Variants in EPG5 observed in about 807,000 individuals in gnomAD.
EPG5 encodes ectopic P granules protein 5 homolog.
In EPG5, 159 loss-of-function variants were observed where a neutral mutation model predicts 302.7. That is an observed-to-expected ratio of 0.53 (90% CI 0.46 to 0.60). The LOEUF is 0.60. Ranked by LOEUF, EPG5 falls within the 20% of genes least tolerant of loss-of-function variation. The pLI, the probability that EPG5 is intolerant of heterozygous loss-of-function variation, is 0.00. For synonymous variants in EPG5, 1,158 were observed against 1,136.8 expected (o/e 1.02, Z -0.37); for missense variants, 2,896 against 3,092.4 (o/e 0.94, Z 1.51).
chr18:45,816,369 C>T, the EPG5 span, among the ~76,000 whole-genome samples: 1 of 152,046 alleles, frequency 6.6e-6, no homozygotes, highest in Admixed American at 6.5e-5. Flanking sequence ...AAAATCTTCA[C>T]AATCTATACA....
At chr18:45,838,929 G>A in the EPG5 span, 15 of 1,604,362 alleles carry the variant, frequency 9.3e-6, no homozygotes, top group Middle Eastern at 8.2e-4. Context: ...GCCGCTACAC[G>A]TGTACGGCCG....
At chr18:45,836,917 C>T in the EPG5 span, 27 of 686,198 alleles carry the variant, frequency 3.9e-5, no homozygotes, top group Non-Finnish European at 6.5e-5. Flanking sequence ...TAGAGTGAGG[C>T]GATCCTGAAC....
At chr18:45,819,182 G>A in the EPG5 span, among the ~76,000 whole-genome samples, 1 of 152,126 alleles carries the variant, frequency 6.6e-6, no homozygotes, top group Non-Finnish European at 1.5e-5. Context: ...CTTCTTGCAT[G>A]TTTATGGTTT....
rs150383659 is a variant in EPG5, at chr18:45,958,870, T to C, written c.64-3532A>G. 5.3e-3 allele frequency among the ~76,000 whole-genome samples: 800 copies of C among 152,314 alleles called. 6 individuals carry two copies. The highest frequency in any genetic ancestry group is 0.018 in the African/African-American group (742 of 41,564). On this transcript the variant is annotated intron_variant, in intron 1 of 43. Coordinates refer to ENST00000282041, the MANE Select transcript of EPG5 (RefSeq NM_020964.3). ...AAGCTCACACCTGGTCTGGCACCAG[T>C]TGATCAATAAACTGGTTCATCTGAT... is the stretch of plus-strand genomic sequence containing the variant.
chr18:45,874,577 A>C (rs1157799736), intron 35 of EPG5, among the ~76,000 whole-genome samples: 6 of 152,194 alleles, frequency 3.9e-5, no homozygotes, highest in Non-Finnish European at 8.8e-5. Context: ...AATGAGAGCC[A>C]AGCAATACGG....
intron 40 of EPG5, 112 bp downstream of exon 40, chr18:45,859,992 A>T (rs2048598432): frequency 2.2e-6 from 3 of 1,363,830 alleles, no homozygotes; most frequent in Non-Finnish European, 3.0e-6. Flanking sequence ...GCAGAAAATT[A>T]GAATGGCAAA....
chr18:45,822,934 G>A, the EPG5 span, among the ~76,000 whole-genome samples: 3 of 152,120 alleles, frequency 2.0e-5, no homozygotes, highest in Non-Finnish European at 2.9e-5. Context: ...TGAGGGAGAC[G>A]TAAAGTCACA....
the EPG5 span, among the ~76,000 whole-genome samples, chr18:45,816,346 C>T: frequency 6.6e-6 from 1 of 151,922 alleles, no homozygotes; most frequent in African/African-American, 2.4e-5. Flanking sequence ...AAACAGTCAA[C>T]CCACAGAGAG....
the EPG5 span, chr18:45,839,231 C>G: frequency 8.2e-7 from 1 of 1,214,800 alleles, no homozygotes; most frequent in Non-Finnish European, 1.1e-6. Flanking sequence ...GCGCTTTCCT[C>G]TCTTTGCATG....
At chr18:45,902,214 C>T (rs909979440) in intron 25 of EPG5, among the ~76,000 whole-genome samples, 2 of 152,150 alleles carry the variant, frequency 1.3e-5, no homozygotes, top group African/African-American at 4.8e-5. Context: ...CATAAGGAGA[C>T]TTGTATTGTT....
intron 42 of EPG5, among the ~76,000 whole-genome samples, chr18:45,856,412 A>T (rs1340374648): frequency 1.3e-5 from 2 of 152,234 alleles, no homozygotes; most frequent in Non-Finnish European, 2.9e-5. Context: ...AATGGAGGTG[A>T]CTACTTAATG....
At chr18:45,959,377 C>T (rs556241445) in intron 1 of EPG5, among the ~76,000 whole-genome samples, 2 of 151,706 alleles carry the variant, frequency 1.3e-5, no homozygotes, top group African/African-American at 2.4e-5. Flanking sequence ...CAGGCATGGG[C>T]GGCTCACACC....
Position 45,866,918 on chromosome 18 carries a change from A to G in EPG5, c.6501T>C (p.Tyr2167=), listed in dbSNP as rs200002882. ...TGGACGGCGGGTAATGGCTGCTGAA[A>G]TAACTTAGCACACTCTGGTACGACA... The part of the protein sequence containing the change: ...DIVSYQSVLS[Y]FSSHYPPSII... Residue 2167 remains tyrosine (Y), a synonymous_variant, in exon 38 of 44, where the codon TAT becomes TAC. Coordinates refer to ENST00000282041, the MANE Select transcript of EPG5 (RefSeq NM_020964.3). 3 of 1,614,124 alleles carry G rather than the reference A, an allele frequency of 1.9e-6. No individual in the cohort carries two copies. The highest frequency in any genetic ancestry group is 1.7e-5 in the Admixed American group (1 of 60,022).
chr18:45,916,343 T>C (rs2050032214), intron 18 of EPG5, 95 bp downstream of exon 18: 1 of 1,541,886 alleles, frequency 6.5e-7, no homozygotes, highest in East Asian at 2.3e-5. Flanking sequence ...CTAAGCCAAG[T>C]GATCTGAAAT....
the EPG5 span, among the ~76,000 whole-genome samples, chr18:45,801,896 A>C: frequency 6.6e-6 from 1 of 152,040 alleles, no homozygotes; most frequent in Admixed American, 6.5e-5. Context: ...CTCTCCTGAG[A>C]GGGAGGAGCA....
At chr18:45,839,104 G>C in the EPG5 span, 1 of 1,381,300 alleles carries the variant, frequency 7.2e-7, no homozygotes, top group Non-Finnish European at 9.3e-7. Context: ...AGGTGGGTGC[G>C]CCCCAGACAC....
Position 45,851,936 on chromosome 18 carries a change from T to A in EPG5, c.*531A>T, listed in dbSNP as rs1013654565. 6.6e-6 allele frequency: 1 copy of A among 152,334 alleles called. No homozygotes were observed. Among genetic ancestry groups the A allele is most frequent in the Non-Finnish European group, 1.5e-5 (1 of 68,130 alleles). The allele number at this position is 152,334 out of a possible 1,614,324, so 9.4% of individuals were successfully genotyped here. Reference sequence around the variant, plus strand: ...GACCCACTTTAACTAACTCGGCATTTTTATCTCCCTTCTGAGAAAAACAAT... The same window carrying A: ...GACCCACTTTAACTAACTCGGCATTATTATCTCCCTTCTGAGAAAAACAAT... On this transcript the variant is annotated 3_prime_UTR_variant, in exon 44 of 44. Coordinates refer to ENST00000282041, the MANE Select transcript of EPG5 (RefSeq NM_020964.3).
At chr18:45,918,539 C>T (rs1267399932) in intron 16 of EPG5, among the ~76,000 whole-genome samples, 1 of 152,038 alleles carries the variant, frequency 6.6e-6, no homozygotes, top group Non-Finnish European at 1.5e-5. Flanking sequence ...AAGAATCTAT[C>T]CTTAAAAAAT....
At chr18:45,944,483 G>A (rs184199309) in intron 7 of EPG5, among the ~76,000 whole-genome samples, 95 of 152,284 alleles carry the variant, frequency 6.2e-4, no homozygotes, top group African/African-American at 2.1e-3. Flanking sequence ...GGCCGGGCGC[G>A]GTGGCTCATG....
Sources: gnomAD v4.1 joint callset for allele counts (sites outside exome capture counted in the v4.1 genomes callset) on GRCh38, gnomAD v4.1.1 for gene constraint, MANE v1.5 for transcripts, NCBI Gene and HGNC (gene_info 2026-07-23, HGNC 2026-07-21) for gene names.